The following CMTR1 variants were observed in gnomAD, a reference collection of about 807,000 sequenced individuals.
The protein encoded by CMTR1 is cap methyltransferase 1, also known as cap-specific mRNA (nucleoside-2'-O-)-methyltransferase 1.
CMTR1 carries 39 observed loss-of-function variants against 107.0 expected under a neutral mutation model. The observed-to-expected ratio is 0.36, with a 90% confidence interval of 0.28 to 0.48. CMTR1 has a LOEUF of 0.48. Among genes scored for constraint, CMTR1 ranks in the 20% least tolerant of loss-of-function variants. CMTR1 has a pLI of 0.99. For missense variants in CMTR1, 672 were observed against 1,064.9 expected (o/e 0.63, Z 5.14); for synonymous variants, 366 against 379.5 (o/e 0.96, Z 0.41).
At position 37,458,599 on chromosome 6, in the gene CMTR1, C is replaced by T; in HGVS notation, c.778-13C>T. The stretch of plus-strand genomic sequence containing the variant: ...GTTTTCCTTCCTCTCCTGTCCTCCA[C>T]TTGCCTTTGCAGAAGCCACTGGTGA... On this transcript the variant is annotated splice_polypyrimidine_tract_variant and intron_variant, in intron 8 of 23. Coordinates refer to ENST00000373451, the MANE Select transcript of CMTR1 (RefSeq NM_015050.3). This position sits in a 1 kb window ranked among gnomAD's most constrained non-coding sequence, Gnocchi z 4.7. The T allele has an allele frequency of 1.2e-6, 2 of 1,612,504 alleles. No individual in the cohort carries two copies. Among genetic ancestry groups the T allele is most frequent in the South Asian group, 2.2e-5 (2 of 90,900 alleles).
chr6:37,470,844 C>T (rs1761608506), intron 13 of CMTR1, among the ~76,000 whole-genome samples, 177 bp from the exon 14 acceptor site: 1 of 152,148 alleles, frequency 6.6e-6, no homozygotes, highest in African/African-American at 2.4e-5. Flanking sequence ...CTACCCTCAT[C>T]CTTCAGTAAG....
At chr6:37,428,057 A>AGAGAGAGAGAGAGAGAGAGG in the CMTR1 span, among the ~76,000 whole-genome samples, 58 of 143,224 alleles carry the variant, frequency 4.0e-4, 4 homozygotes, top group African/African-American at 7.0e-4. Context: ...AGAGAGAGAG[A>AGAGAGAGAGAGAGAGAGAGG]GAGAAACTCT....
chr6:37,457,247 A>C (rs964512662), intron 8 of CMTR1, among the ~76,000 whole-genome samples: 3 of 150,144 alleles, frequency 2.0e-5, no homozygotes, highest in African/African-American at 7.3e-5. Flanking sequence ...AAACCTGGGG[A>C]GAGAGAGCGA....
At position 37,458,388 on chromosome 6, in the gene CMTR1, G is replaced by A. The variant is rs148851018; in HGVS notation, c.778-224G>A. Among the ~76,000 whole-genome samples, 168 of 152,282 alleles carry A rather than the reference G, an allele frequency of 1.1e-3. 1 individual carries two copies. The highest frequency in any genetic ancestry group is 0.011 in the Admixed American group (163 of 15,298). On this transcript the variant is annotated intron_variant, in intron 8 of 23. Coordinates refer to ENST00000373451, the MANE Select transcript of CMTR1 (RefSeq NM_015050.3). This position sits in a 1 kb window ranked among gnomAD's most constrained non-coding sequence, Gnocchi z 4.7. ...ATGTTTTTATGAGGAGTCTGAGCTA[G>A]GCCTGGTGATGTGATAGGCATTGTG...
rs141342023 is a variant in CMTR1 at position 37,478,484 on chromosome 6, T to C, written c.2229T>C (p.Phe743=). Residue 743 remains phenylalanine, a synonymous_variant, in exon 22 of 24, where the codon TTT becomes TTC. Transcript: ENST00000373451. ...ACACAGGGCGTGATGACCGGCACTTTGTACCCATGGGCCTCTACATCGTCA... is the reference window on the plus strand; with the variant it reads ...ACACAGGGCGTGATGACCGGCACTTCGTACCCATGGGCCTCTACATCGTCA... ...LSYTGRDDRH[F]VPMGLYIVRT... is the part of the protein sequence containing the mutation. 3.8e-4 allele frequency: 620 copies of C among 1,614,122 alleles called. 1 individual carries two copies. The highest frequency in any genetic ancestry group is 4.9e-4 in the Non-Finnish European group (574 of 1,180,002).
At chr6:37,436,426 T>C (rs930289496) in intron 2 of CMTR1, 1 of 152,222 alleles carries the variant, frequency 6.6e-6, no homozygotes, top group African/African-American at 2.4e-5. Flanking sequence ...ATTAGTTTCT[T>C]AGGGCTACTG....
intron 8 of CMTR1, among the ~76,000 whole-genome samples, chr6:37,453,955 T>C (rs1761236906): frequency 6.6e-6 from 1 of 152,226 alleles, no homozygotes; most frequent in African/African-American, 2.4e-5. Flanking sequence ...TCTGCCTCTC[T>C]GAACAAGCTT....
At position 37,481,344 on chromosome 6, in the gene CMTR1, C is replaced by T. The variant is rs946804961; in HGVS notation, c.*1199C>T. 9 of 1,194,424 alleles carry T rather than the reference C, an allele frequency of 7.5e-6. No individual in the cohort carries two copies. The highest frequency in any genetic ancestry group is 3.2e-5 in the African/African-American group (2 of 62,542). The allele number at this position is 1,194,424 out of a possible 1,614,324, so 74.0% of individuals were successfully genotyped here. On this transcript the variant is annotated 3_prime_UTR_variant, in exon 24 of 24. Coordinates refer to ENST00000373451, the MANE Select transcript of CMTR1 (RefSeq NM_015050.3). The stretch of plus-strand genomic sequence containing the variant: ...CATGGAGATAGGGCACTGAGGCTCC[C>T]GTGAGGTTGGAATCGACTTCACCAT...
rs372652496 is a variant in CMTR1 at position 37,476,085 on chromosome 6, C to G, written c.2037-41C>G. Reference sequence around the variant, plus strand: ...CTGGGGGTAGGGGTGCTGGTGGAGGCATCCTTGGCTTGCCTCTCAGAGAGA... The same window carrying G: ...CTGGGGGTAGGGGTGCTGGTGGAGGGATCCTTGGCTTGCCTCTCAGAGAGA... On this transcript the variant is annotated intron_variant, in intron 19 of 23. Coordinates refer to ENST00000373451, the MANE Select transcript of CMTR1 (RefSeq NM_015050.3). The G allele has an allele frequency of 2.5e-6, 4 of 1,600,760 alleles. No individual in the cohort carries two copies. In the African/African-American group the frequency reaches 5.4e-5, roughly 21 times the overall value.
Position 37,472,638 on chromosome 6 carries a change from T to TG in CMTR1, c.1689+154dup. 1.4e-6 allele frequency: 1 copy of TG among 722,692 alleles called. No individual in the cohort carries two copies. Among genetic ancestry groups the TG allele is most frequent in the South Asian group, 1.7e-5 (1 of 59,934 alleles). The allele number at this position is 722,692 out of a possible 1,614,324, so 44.8% of individuals were successfully genotyped here. A position where few individuals can be genotyped will look rare whatever the true frequency, so the allele number is the denominator to read the frequency against. ...GGGGCGGAGCTAAGGCTGCCACAGGTGGGAACCTTTGGTATAGGGTGTTGA... is the reference window on the plus strand; with the variant it reads ...GGGGCGGAGCTAAGGCTGCCACAGGTGGGGAACCTTTGGTATAGGGTGTTGA... On this transcript the variant is annotated intron_variant, in intron 16 of 23. Coordinates refer to ENST00000373451, the MANE Select transcript of CMTR1 (RefSeq NM_015050.3). This position sits in a 1 kb window ranked among gnomAD's most constrained non-coding sequence, Gnocchi z 4.1.
At chr6:37,424,427 T>G in the CMTR1 span, among the ~76,000 whole-genome samples, 1 of 151,516 alleles carries the variant, frequency 6.6e-6, no homozygotes, top group Non-Finnish European at 1.5e-5. Context: ...TTTTTGTATT[T>G]TTAGTAGAGA....
At chr6:37,457,471 GGA>G in intron 8 of CMTR1, among the ~76,000 whole-genome samples, 1 of 152,070 alleles carries the variant, frequency 6.6e-6, no homozygotes, top group East Asian at 1.9e-4. Context: ...AGTGCAAAAA[GGA>G]GAGAGACCAA....
At chr6:37,476,040 A>G (rs1482895672) in intron 19 of CMTR1, 86 bp from the exon 20 acceptor site, 9 of 1,283,098 alleles carry the variant, frequency 7.0e-6, no homozygotes, top group South Asian at 2.4e-5. Context: ...AGGTTCTCCT[A>G]CTGGAGCTGT....
intron 18 of CMTR1, 47 bp downstream of exon 18, chr6:37,474,693 A>G: frequency 6.2e-7 from 1 of 1,605,144 alleles, no homozygotes; most frequent in Non-Finnish European, 8.5e-7. Flanking sequence ...CTAGGGGACT[A>G]GGGGGCTGCT....
At chr6:37,434,728 G>A (rs2014974) in intron 1 of CMTR1, among the ~76,000 whole-genome samples, 11,261 of 151,878 alleles carry the variant, frequency 0.074, 1,390 homozygotes, top group African/African-American at 0.25. Context: ...AATTCAAGCG[G>A]TTCTCCTGAG....
At chr6:37,477,528 C>A in intron 20 of CMTR1, 64 bp from the exon 21 acceptor site, 1 of 1,467,126 alleles carries the variant, frequency 6.8e-7, no homozygotes, top group Non-Finnish European at 9.6e-7. Flanking sequence ...TGCCTCCCAG[C>A]TGCCTCCTGG....
At chr6:37,425,151 C>T in the CMTR1 span, among the ~76,000 whole-genome samples, 1 of 151,486 alleles carries the variant, frequency 6.6e-6, no homozygotes, top group Non-Finnish European at 1.5e-5. Flanking sequence ...ACCATGTTGG[C>T]CAGGCTGGTC....
intron 5 of CMTR1, 80 bp downstream of exon 5, chr6:37,450,423 A>T (rs1771925034): frequency 1.9e-6 from 2 of 1,044,298 alleles, no homozygotes; most frequent in Non-Finnish European, 3.0e-6. Flanking sequence ...ATTTACATAC[A>T]CTTGCAGTTT....
At chr6:37,439,187 A>G (rs1771611101) in intron 2 of CMTR1, among the ~76,000 whole-genome samples, 1 of 152,258 alleles carries the variant, frequency 6.6e-6, no homozygotes, top group Non-Finnish European at 1.5e-5. Flanking sequence ...TGTTGTTGTC[A>G]TGGCCACTGT....
Sources: allele counts gnomAD v4.1 joint callset (sites outside exome capture counted in the v4.1 genomes callset), GRCh38; gene constraint gnomAD v4.1.1; non-coding constraint Gnocchi (gnomAD v3.1); transcripts MANE v1.5; gene names NCBI Gene and HGNC (gene_info 2026-07-23, HGNC 2026-07-21).